The following DNAH14 variants were observed in gnomAD, a reference collection of about 807,000 sequenced individuals.
The protein encoded by DNAH14 is axonemal beta dynein heavy chain 14.
A neutral mutation model predicts 520.9 loss-of-function variants in DNAH14; 478 were observed. The observed-to-expected ratio is 0.92, with a 90% CI of 0.85 to 0.99. The LOEUF (loss-of-function observed/expected upper bound fraction) is 0.99, where lower values mean the gene tolerates loss of function less well. Among genes scored for constraint, DNAH14 ranks in the 50% least tolerant of loss-of-function variants. The pLI is 0.00. For missense variants in DNAH14, 4,831 were observed against 5,234.5 expected (o/e 0.92, Z 2.38); for synonymous variants, 1,581 against 1,757.2 (o/e 0.90, Z 2.51).
At chr1:225,241,925 A>G (rs2091988675) in intron 43 of DNAH14, among the ~76,000 whole-genome samples, 1 of 152,208 alleles carries the variant, frequency 6.6e-6, no homozygotes, top group Non-Finnish European at 1.5e-5. Flanking sequence ...ATTTATTTGT[A>G]AATTTTTCTT....
At chr1:225,220,487 T>G (rs2089939187) in intron 41 of DNAH14, among the ~76,000 whole-genome samples, 1 of 152,116 alleles carries the variant, frequency 6.6e-6, no homozygotes, top group Non-Finnish European at 1.5e-5. Context: ...CGTGCAAAAA[T>G]CACAAGCATT....
rs1445302691 is a variant in DNAH14 at position 225,380,199 on chromosome 1, T to C, written c.12757T>C (p.Ser4253Pro). The C allele has an allele frequency of 1.3e-6, 2 of 1,551,632 alleles. No individual in the cohort carries two copies. Among genetic ancestry groups the C allele is most frequent in the Non-Finnish European group, 1.7e-6 (2 of 1,146,980 alleles). ...SKDELVMEIL[S>P]DLLKRLPLTV... Reference sequence around the variant, plus strand: ...GGATGAACTGGTGATGGAAATTCTATCCGACTTGCTAAAGCGGCTGCCACT... The same window carrying C: ...GGATGAACTGGTGATGGAAATTCTACCCGACTTGCTAAAGCGGCTGCCACT... The change falls in exon 80 of 86, where the codon TCC becomes CCC. Residue 4253 changes from serine to proline, a missense_variant. Coordinates refer to ENST00000682510, the MANE Select transcript of DNAH14 (RefSeq NM_001367479.1).
intron 19 of DNAH14, among the ~76,000 whole-genome samples, chr1:225,081,792 C>T (rs1231013689): frequency 1.3e-5 from 2 of 152,120 alleles, no homozygotes; most frequent in African/African-American, 4.8e-5. Flanking sequence ...GTTGAACCTT[C>T]CACTCCATAG....
At chr1:225,009,742 G>T (rs1180968267) in intron 10 of DNAH14, among the ~76,000 whole-genome samples, 1 of 152,172 alleles carries the variant, frequency 6.6e-6, no homozygotes, top group Non-Finnish European at 1.5e-5. Context: ...CATGAGCATG[G>T]AATGTTTTTC....
At chr1:224,943,345 C>T (rs1026563827) in intron 1 of DNAH14, among the ~76,000 whole-genome samples, 1 of 152,052 alleles carries the variant, frequency 6.6e-6, no homozygotes, top group African/African-American at 2.4e-5. Flanking sequence ...GTGATATTCC[C>T]TTTCTCGTTT....
intron 23 of DNAH14, among the ~76,000 whole-genome samples, chr1:225,105,360 C>A (rs552510984): frequency 4.9e-4 from 75 of 152,246 alleles, no homozygotes; most frequent in African/African-American, 1.7e-3. Context: ...AATGTATATT[C>A]TGTTGATTTG....
chr1:225,073,836 C>T (rs1446746394), intron 17 of DNAH14, among the ~76,000 whole-genome samples: 2 of 151,728 alleles, frequency 1.3e-5, no homozygotes, highest in African/African-American at 4.8e-5. Flanking sequence ...CAGTGTGCCA[C>T]CATGCCCAAC....
At chr1:225,123,070 T>C (rs1308883516) in intron 26 of DNAH14, among the ~76,000 whole-genome samples, 1 of 152,190 alleles carries the variant, frequency 6.6e-6, no homozygotes, top group Non-Finnish European at 1.5e-5. Context: ...ACATTAACTG[T>C]TGTCTTAAAT....
intron 60 of DNAH14, among the ~76,000 whole-genome samples, chr1:225,315,818 A>G (rs886151935): frequency 9.9e-5 from 15 of 152,196 alleles, no homozygotes; most frequent in Non-Finnish European, 2.1e-4. Context: ...GCTTCATCCA[A>G]GAGGGGCACC....
intron 41 of DNAH14, among the ~76,000 whole-genome samples, chr1:225,209,261 C>A (rs1326509395): frequency 6.6e-6 from 1 of 152,130 alleles, no homozygotes; most frequent in Admixed American, 6.5e-5. Flanking sequence ...CCACATTGTT[C>A]AGGTAGTGGC....
Position 225,056,237 on chromosome 1 carries a change from G to A in DNAH14, c.2424+4442G>A, listed in dbSNP as rs146052302. Reference sequence around the variant, plus strand: ...TTTAATGATTGCCATTCTAACTGGTGTGAGATGGTTTCTCATTGTGGTTTA... The same window carrying A: ...TTTAATGATTGCCATTCTAACTGGTATGAGATGGTTTCTCATTGTGGTTTA... On this transcript the variant is annotated intron_variant, in intron 17 of 85. Coordinates refer to ENST00000682510, the MANE Select transcript of DNAH14 (RefSeq NM_001367479.1). 5.0e-3 allele frequency among the ~76,000 whole-genome samples: 765 copies of A among 152,284 alleles called. 6 individuals are homozygous for A. The highest frequency in any genetic ancestry group is 0.017 in the African/African-American group (722 of 41,552).
intron 38 of DNAH14, among the ~76,000 whole-genome samples, chr1:225,198,914 T>A (rs2086477441): frequency 6.6e-6 from 1 of 152,198 alleles, no homozygotes; most frequent in Non-Finnish European, 1.5e-5. Flanking sequence ...ATAAGATAGA[T>A]TGCTACCAAT....
In DNAH14 at chr1:225,050,259, T is replaced by G. The variant is rs1286846414; in HGVS notation, c.1962T>G (p.Asp654Glu). 3 of 1,549,754 alleles carry G rather than the reference T, an allele frequency of 1.9e-6. No individual in the cohort carries two copies. The highest frequency in any genetic ancestry group is 1.2e-5 in the South Asian group (1 of 83,264). The change falls in exon 16 of 86, where the codon GAT becomes GAG. Residue 654 changes from aspartate (D) to glutamate (E), a missense_variant. Asp to Glu is a conservative substitution (Grantham distance 45, BLOSUM62 2). Transcript: ENST00000682510. ...ATCCCCAGCTGTCTATCTTCATTGATTTGGTTTCAATAATGGATTTACCTA... is the reference window on the plus strand; with the variant it reads ...ATCCCCAGCTGTCTATCTTCATTGAGTTGGTTTCAATAATGGATTTACCTA... ...CQDPQLSIFI[D>E]LVSIMDLPNK...
intron 25 of DNAH14, chr1:225,118,227 C>T (rs2077017718): frequency 3.6e-6 from 2 of 550,794 alleles, no homozygotes; most frequent in East Asian, 6.1e-5. Context: ...TGGGTGCATT[C>T]TAATTTGCAC....
chr1:225,270,378 G>A (rs1432932999), intron 49 of DNAH14, among the ~76,000 whole-genome samples: 3 of 151,536 alleles, frequency 2.0e-5, no homozygotes, highest in Non-Finnish European at 4.4e-5. Context: ...TGTAAATGAC[G>A]AGTTAATGGG....
At chr1:224,982,198 G>A (rs1447155732) in intron 8 of DNAH14, among the ~76,000 whole-genome samples, 3 of 152,152 alleles carry the variant, frequency 2.0e-5, no homozygotes, top group Non-Finnish European at 2.9e-5. Flanking sequence ...ATCCACAAGT[G>A]TATTGACTCA....
chr1:225,137,964 T>A (rs2079103091), intron 27 of DNAH14, among the ~76,000 whole-genome samples: 1 of 152,054 alleles, frequency 6.6e-6, no homozygotes, highest in Admixed American at 6.5e-5. Flanking sequence ...GAGACCCCCC[T>A]AGTGAGGAGG....
intron 49 of DNAH14, among the ~76,000 whole-genome samples, chr1:225,267,928 G>A (rs1490631410): frequency 1.3e-5 from 2 of 151,918 alleles, no homozygotes; most frequent in East Asian, 1.9e-4. Context: ...AAAAGAGAAG[G>A]CAGGAAATAG....
intron 31 of DNAH14, among the ~76,000 whole-genome samples, chr1:225,148,613 G>A (rs533745892): frequency 8.0e-4 from 121 of 152,024 alleles, no homozygotes; most frequent in African/African-American, 2.8e-3. Flanking sequence ...TGTTGGTCAG[G>A]CTGGTCTCAA....
Sources: allele counts gnomAD v4.1 joint callset (sites outside exome capture counted in the v4.1 genomes callset), GRCh38; gene constraint gnomAD v4.1.1; transcripts MANE v1.5; gene names NCBI Gene and HGNC (gene_info 2026-07-23, HGNC 2026-07-21).